The following NUDC variants were observed in gnomAD, a reference collection of about 807,000 sequenced individuals.
NUDC encodes nuclear distribution C, dynein complex regulator.
Under a neutral mutation model 45.0 loss-of-function variants are expected in NUDC, and 14 were observed. The ratio of observed to expected loss-of-function variants is 0.31; its 90% confidence interval spans 0.21 to 0.49. The LOEUF (loss-of-function observed/expected upper bound fraction) is 0.49, where lower values mean the gene tolerates loss of function less well. Among genes scored for constraint, NUDC ranks in the 20% least tolerant of loss-of-function variants. The pLI is 0.99. For synonymous variants in NUDC, 153 were observed against 156.7 expected (o/e 0.98, Z 0.17); for missense variants, 323 against 426.2 (o/e 0.76, Z 2.13).
At chr1:26,938,492 T>C (rs1206840855) in intron 2 of NUDC, among the ~76,000 whole-genome samples, 1 of 152,220 alleles carries the variant, frequency 6.6e-6, no homozygotes, top group Non-Finnish European at 1.5e-5. Flanking sequence ...TTATGACCTA[T>C]TGTTTCTACT....
Position 26,946,119 on chromosome 1 carries a change from C to T in NUDC, c.945-11C>T, listed in dbSNP as rs778517403. 1.2e-5 allele frequency: 19 copies of T among 1,609,946 alleles called. No individual in the cohort carries two copies. In the Middle Eastern group the frequency reaches 5.0e-4, roughly 42 times the overall value. On this transcript the variant is annotated splice_polypyrimidine_tract_variant and intron_variant, in intron 8 of 8. Coordinates refer to ENST00000321265, the MANE Select transcript of NUDC (RefSeq NM_006600.4). ...AGGATGAGCTGTTTCATCTTGCTTCCGTTTCTCCAGGTTCATGGATCAACA... is the reference window on the plus strand; with the variant it reads ...AGGATGAGCTGTTTCATCTTGCTTCTGTTTCTCCAGGTTCATGGATCAACA...
At chr1:26,923,661 G>A (rs898339277) in intron 1 of NUDC, among the ~76,000 whole-genome samples, 39 of 152,110 alleles carry the variant, frequency 2.6e-4, no homozygotes, top group African/African-American at 9.2e-4. Context: ...TAGTAGAGAC[G>A]GGGTTTCACC....
At chr1:26,908,454 G>A (rs2082011698) in intron 2 of NUDC, among the ~76,000 whole-genome samples, 1 of 152,238 alleles carries the variant, frequency 6.6e-6, no homozygotes, top group South Asian at 2.1e-4. Context: ...ATAGGGCACG[G>A]GGAATGACTC....
chr1:26,945,756 AG>A, intron 8 of NUDC, 70 bp downstream of exon 8: 17 of 1,072,832 alleles, frequency 1.6e-5, no homozygotes, highest in Non-Finnish European at 2.2e-5. Flanking sequence ...GACAGCAGTG[AG>A]TGGATCACTG....
intron 2 of NUDC, among the ~76,000 whole-genome samples, chr1:26,903,254 AT>A: frequency 6.6e-6 from 1 of 152,284 alleles, no homozygotes; most frequent in Admixed American, 6.5e-5. Context: ...ACTAAAAAAT[AT>A]TCTTAGGGCT....
At chr1:26,905,164 T>A (rs879287268) in intron 2 of NUDC, among the ~76,000 whole-genome samples, 3,194 of 137,430 alleles carry the variant, frequency 0.023, 45 homozygotes, top group Non-Finnish European at 0.031. Context: ...ATTATTTTTT[T>A]TTTTTTTTTT....
chr1:26,908,190 A>AT (rs1557665114), intron 2 of NUDC, among the ~76,000 whole-genome samples: 1 of 151,148 alleles, frequency 6.6e-6, no homozygotes, highest in Non-Finnish European at 1.5e-5. Flanking sequence ...AAAAAAAAAA[A>AT]GAGTCTTAGC....
chr1:26,925,042 G>T (rs1355668207), intron 2 of NUDC, among the ~76,000 whole-genome samples: 1 of 148,874 alleles, frequency 6.7e-6, no homozygotes, highest in Non-Finnish European at 1.5e-5. Context: ...CACCATGCCT[G>T]GCTAATTTTT....
chr1:26,912,760 A>G (rs2082036285), intron 3 of NUDC, among the ~76,000 whole-genome samples: 1 of 152,080 alleles, frequency 6.6e-6, no homozygotes, highest in Non-Finnish European at 1.5e-5. Flanking sequence ...GAGCTTCACC[A>G]TGCAGCCTTC....
intron 2 of NUDC, among the ~76,000 whole-genome samples, chr1:26,906,868 AAAAT>A (rs545440507): frequency 3.3e-5 from 5 of 152,002 alleles, no homozygotes; most frequent in Admixed American, 6.6e-5. Flanking sequence ...AATAATAATA[AAAAT>A]AAATAAATAA....
intron 2 of NUDC, among the ~76,000 whole-genome samples, chr1:26,929,282 T>A (rs1356251983): frequency 2.0e-5 from 3 of 151,742 alleles, no homozygotes; most frequent in Non-Finnish European, 4.4e-5. Context: ...AATAAAAAAA[T>A]ATGAATTAAG....
chr1:26,930,151 A>G (rs2082168722), intron 2 of NUDC, among the ~76,000 whole-genome samples: 1 of 152,180 alleles, frequency 6.6e-6, no homozygotes. Context: ...GATTTCCCTC[A>G]ATGCTCTCTT....
At chr1:26,905,017 A>G (rs140439223) in intron 2 of NUDC, among the ~76,000 whole-genome samples, 7,539 of 150,306 alleles carry the variant, frequency 0.05, 239 homozygotes, top group Non-Finnish European at 0.073. Flanking sequence ...TTGTATTTTT[A>G]GTAGAGATGG....
At chr1:26,934,138 C>T (rs936150245) in intron 2 of NUDC, among the ~76,000 whole-genome samples, 5 of 152,082 alleles carry the variant, frequency 3.3e-5, no homozygotes, top group Non-Finnish European at 7.4e-5. Flanking sequence ...GTCGAGAGAG[C>T]GAGACTCCGT....
At chr1:26,901,708 T>A (rs1386211378) in intron 1 of NUDC, among the ~76,000 whole-genome samples, 1 of 152,086 alleles carries the variant, frequency 6.6e-6, no homozygotes, top group African/African-American at 2.4e-5. Context: ...CCCGGCCCTC[T>A]TTGTACGTTT....
rs2082093544 is a variant in NUDC at position 26,921,825 on chromosome 1, G to C, written c.-24G>C. 2.6e-6 allele frequency: 4 copies of C among 1,549,580 alleles called. No homozygotes were observed. In the South Asian group the frequency reaches 3.6e-5, roughly 14 times the overall value. On this transcript the variant is annotated 5_prime_UTR_variant, in exon 1 of 9. Transcript: ENST00000321265. ...GCGCGGGACTAGAGTGCAGAGCTCC[G>C]GGACGTGGATCGGAGCCGGCGCGAT...
upstream of NUDC, among the ~76,000 whole-genome samples, chr1:26,920,408 G>A (rs1229200936): frequency 6.6e-6 from 1 of 152,056 alleles, no homozygotes; most frequent in Non-Finnish European, 1.5e-5. Context: ...TTAAACCTGG[G>A]AGGCAGAGGT....
intron 2 of NUDC, among the ~76,000 whole-genome samples, chr1:26,903,202 AAC>A (rs917003064): frequency 3.3e-5 from 5 of 152,346 alleles, no homozygotes; most frequent in East Asian, 1.9e-4. Flanking sequence ...CCAGTCAGAA[AAC>A]ACAGAATTGT....
chr1:26,905,092 C>A (rs2081996977), intron 2 of NUDC, among the ~76,000 whole-genome samples: 1 of 150,964 alleles, frequency 6.6e-6, no homozygotes, highest in Admixed American at 6.6e-5. Context: ...CCCACCTCGG[C>A]CTCCCAAAGT....
Sources: allele counts gnomAD v4.1 joint callset (sites outside exome capture counted in the v4.1 genomes callset), GRCh38; gene constraint gnomAD v4.1.1; transcripts MANE v1.5; gene names NCBI Gene and HGNC (gene_info 2026-07-23, HGNC 2026-07-21).